The following GRIK4 variants were observed in gnomAD, a reference collection of about 807,000 sequenced individuals.
GRIK4 encodes the protein glutamate receptor ionotropic, kainate 4.
In GRIK4, 40 loss-of-function variants were observed where a neutral mutation model predicts 104.9. The observed-to-expected ratio is 0.38, with a 90% confidence interval of 0.30 to 0.50. The LOEUF (loss-of-function observed/expected upper bound fraction) is 0.50. GRIK4 is among the 20% of genes least tolerant of loss of function. The pLI, the probability that GRIK4 is intolerant of heterozygous loss-of-function variation, is 0.93. For synonymous variants in GRIK4, 485 were observed against 524.9 expected (o/e 0.92, Z 1.04); for missense variants, 1,047 against 1,308.1 (o/e 0.80, Z 3.08).
At position 120,862,072 on chromosome 11, in the gene GRIK4, C is replaced by G. The variant is rs200233611; in HGVS notation, c.858C>G (p.Asn286Lys). 3 of 1,614,078 alleles carry G rather than the reference C, an allele frequency of 1.9e-6. No homozygotes were observed. Among genetic ancestry groups the G allele is most frequent in the African/African-American group, 1.3e-5 (1 of 74,956 alleles). ...TCCAAGAGTTTGCCCAGAGCCTCAA[C>G]CAGTCCTGGCAGGAGAACTGTGACC... ...AFFQEFAQSL[N>K]QSWQENCDHV... The change falls in exon 9 of 21, where the codon AAC becomes AAG. Residue 286 changes from asparagine to lysine, a missense_variant. By Grantham distance (94) the Asn-to-Lys change is moderately conservative. Coordinates refer to ENST00000527524, the MANE Select transcript of GRIK4 (RefSeq NM_014619.5).
At chr11:120,568,079 G>A (rs1360108665) in intron 1 of GRIK4, among the ~76,000 whole-genome samples, 1 of 152,194 alleles carries the variant, frequency 6.6e-6, no homozygotes, top group Non-Finnish European at 1.5e-5. Context: ...TTGGGAGGTT[G>A]AGGCGGGAGG....
In GRIK4 at chr11:120,957,591, A is replaced by ATGTGTGTGTGTGTGTGTGTGTGTGTG. The variant is rs72064502; in HGVS notation, c.1874+648_1874+673dup. Among the ~76,000 whole-genome samples the ATGTGTGTGTGTGTGTGTGTGTGTGTG allele has an allele frequency of 3.8e-3, 518 of 136,492 alleles. 6 individuals carry two copies. The highest frequency in any genetic ancestry group is 7.2e-3 in the Middle Eastern group (2 of 276). The allele number at this position is 136,492 out of a possible 152,430, so 89.5% of individuals were successfully genotyped here. ...TGGGGGCAAAGGAAAGACAAAACAAATGTGTGTGTGTGTGTGTGTGTGTGT... is the reference window on the plus strand; with the variant it reads ...TGGGGGCAAAGGAAAGACAAAACAAATGTGTGTGTGTGTGTGTGTGTGTGTGTGTGTGTGTGTGTGTGTGTGTGTGT... On this transcript the variant is annotated intron_variant, in intron 16 of 20. Transcript: ENST00000527524.
rs557763800 is a variant in GRIK4, at chr11:120,966,865, A to T, written c.2267-330A>T. Among the ~76,000 whole-genome samples the T allele has an allele frequency of 5.1e-4, 78 of 152,064 alleles. 1 individual carries two copies. Among genetic ancestry groups the T allele is most frequent in the African/African-American group, 1.7e-3 (72 of 41,464 alleles). On this transcript the variant is annotated intron_variant, in intron 18 of 20. Coordinates refer to ENST00000527524, the MANE Select transcript of GRIK4 (RefSeq NM_014619.5). Reference sequence around the variant, plus strand: ...AGAAAGTGATGGTGCCCGGCTGGGGAAGTGGATGGCACAACTGCCTGGAAA... The same window carrying T: ...AGAAAGTGATGGTGCCCGGCTGGGGTAGTGGATGGCACAACTGCCTGGAAA...
At chr11:120,598,690 C>A (rs950077533) in intron 1 of GRIK4, among the ~76,000 whole-genome samples, 6 of 152,224 alleles carry the variant, frequency 3.9e-5, no homozygotes, top group African/African-American at 1.2e-4. Context: ...CACATGGCCT[C>A]TTATCTTCCA....
intron 8 of GRIK4, among the ~76,000 whole-genome samples, chr11:120,852,060 C>T (rs549650136): frequency 3.9e-5 from 6 of 152,224 alleles, no homozygotes; most frequent in African/African-American, 7.2e-5. Context: ...TGCAGAAAAG[C>T]GGTAGCTCAC....
In GRIK4 at chr11:120,739,811, C is replaced by T. The variant is rs947750129; in HGVS notation, c.83-62882C>T. On this transcript the variant is annotated intron_variant, in intron 3 of 20. Transcript: ENST00000527524. Reference sequence around the variant, plus strand: ...AGTTTCTAGCATTTGTGATAATTTACGCTGATCTGGTACAATCACACATCT... The same window carrying T: ...AGTTTCTAGCATTTGTGATAATTTATGCTGATCTGGTACAATCACACATCT... 5.3e-5 allele frequency among the ~76,000 whole-genome samples: 8 copies of T among 152,308 alleles called. 1 individual carries two copies. The highest frequency in any genetic ancestry group is 3.3e-4 in the Admixed American group (5 of 15,308).
chr11:120,558,386 G>A (rs1040048960), intron 1 of GRIK4, among the ~76,000 whole-genome samples: 1 of 152,162 alleles, frequency 6.6e-6, no homozygotes, highest in Non-Finnish European at 1.5e-5. Context: ...AGGAGATTGA[G>A]ACCATCCTGG....
chr11:120,919,918 G>T (rs933350966), intron 13 of GRIK4, among the ~76,000 whole-genome samples: 2 of 152,068 alleles, frequency 1.3e-5, no homozygotes, highest in African/African-American at 4.8e-5. Context: ...GCTTTAGACG[G>T]CAGAGATAAG....
At chr11:120,695,275 A>G (rs1206317712) in intron 3 of GRIK4, among the ~76,000 whole-genome samples, 1 of 152,156 alleles carries the variant, frequency 6.6e-6, no homozygotes, top group Non-Finnish European at 1.5e-5. Context: ...TCAGCCACCC[A>G]TGGAGCCCAA....
At chr11:120,556,934 C>T (rs1948193213) in intron 1 of GRIK4, among the ~76,000 whole-genome samples, 1 of 152,080 alleles carries the variant, frequency 6.6e-6, no homozygotes. Context: ...TGGGTTCTGG[C>T]CTCCCTCCTG....
At chr11:120,734,642 A>G (rs540454445) in intron 3 of GRIK4, among the ~76,000 whole-genome samples, 1 of 152,060 alleles carries the variant, frequency 6.6e-6, no homozygotes, top group South Asian at 2.1e-4. Context: ...ACCCCTGTCT[A>G]TTTCTCTACC....
At chr11:120,616,441 G>A (rs776023438) in intron 1 of GRIK4, among the ~76,000 whole-genome samples, 17 of 152,234 alleles carry the variant, frequency 1.1e-4, no homozygotes, top group South Asian at 2.1e-4. Context: ...CAAATTGGCC[G>A]TGACAGACAT....
intron 3 of GRIK4, among the ~76,000 whole-genome samples, chr11:120,760,382 CAT>C (rs1240142373): frequency 6.1e-5 from 9 of 146,674 alleles, no homozygotes; most frequent in Admixed American, 2.7e-4. Context: ...TATATATAAA[CAT>C]ATATATACAT....
intron 1 of GRIK4, among the ~76,000 whole-genome samples, chr11:120,557,251 G>A (rs369120876): frequency 6.6e-6 from 1 of 152,134 alleles, no homozygotes; most frequent in Non-Finnish European, 1.5e-5. Context: ...GAGGACTCTC[G>A]TGTTCAGCAC....
At position 120,952,365 on chromosome 11, in the gene GRIK4, G is replaced by A. The variant is rs73007893; in HGVS notation, c.1591-490G>A. ...CTCCCAGGACTGTTTTGAGGTTGAC[G>A]GGGGAAGGTCTCACTGTGTGAGATC... On this transcript the variant is annotated intron_variant, in intron 14 of 20. Transcript: ENST00000527524. This position sits in a 1 kb window ranked among gnomAD's most constrained non-coding sequence, Gnocchi z 5.2. Among the ~76,000 whole-genome samples the A allele has an allele frequency of 0.23, 34,480 of 152,100 alleles. 4,220 individuals are homozygous for A. Among genetic ancestry groups the A allele is most frequent in the East Asian group, 0.35 (1,830 of 5,164 alleles).
intron 13 of GRIK4, among the ~76,000 whole-genome samples, chr11:120,908,422 AACACACACACACACAT>A (rs2134518453): frequency 6.6e-6 from 1 of 151,358 alleles, no homozygotes. Context: ...GATTTAAAAT[AACACACACACACACAT>A]ACACACACAC....
chr11:120,798,114 T>TCCTCAC (rs1952554564), intron 3 of GRIK4, among the ~76,000 whole-genome samples: 3 of 148,326 alleles, frequency 2.0e-5, no homozygotes. Context: ...TCTTGTTCTA[T>TCCTCAC]CCTCACGTGG....
At chr11:120,933,160 G>C (rs1328435304) in intron 13 of GRIK4, among the ~76,000 whole-genome samples, 2 of 152,232 alleles carry the variant, frequency 1.3e-5, no homozygotes, top group African/African-American at 4.8e-5. Flanking sequence ...GAAGCACATT[G>C]TGTCAACACA....
intron 11 of GRIK4, among the ~76,000 whole-genome samples, chr11:120,885,915 G>A (rs1037780313): frequency 3.3e-5 from 5 of 152,194 alleles, no homozygotes; most frequent in African/African-American, 1.2e-4. Flanking sequence ...GAATCTCTGA[G>A]AACAGCCAAT....
Sources: allele counts gnomAD v4.1 joint callset (sites outside exome capture counted in the v4.1 genomes callset), GRCh38; gene constraint gnomAD v4.1.1; non-coding constraint Gnocchi (gnomAD v3.1); transcripts MANE v1.5; gene names NCBI Gene and HGNC (gene_info 2026-07-23, HGNC 2026-07-21).